DMD: variants seen among roughly 807,000 people sequenced by gnomAD.
DMD encodes dystrophin, also known as mutant dystrophin.
DMD carries 63 observed loss-of-function variants against 330.1 expected under a neutral mutation model. The ratio of observed to expected loss-of-function variants is 0.19; its 90% CI spans 0.16 to 0.24. The LOEUF is 0.24. Ranked by LOEUF, DMD falls within the 10% of genes least tolerant of loss-of-function variation. The pLI is 1.00. For synonymous variants in DMD, 1,223 were observed against 959.8 expected, an observed-to-expected ratio of 1.27 and a Z score of -5.07; for missense variants, 3,344 against 2,684.1, an observed-to-expected ratio of 1.25 and a Z score of -5.43.
chrX:32,597,544 C>T lies in DMD; in HGVS notation c.1483-1668G>A, dbSNP rs1371708288. On this transcript the variant is annotated intron_variant, in intron 12 of 78. Coordinates refer to ENST00000357033, the MANE Select transcript of DMD (RefSeq NM_004006.3). Reference sequence around the variant, plus strand: ...TACACTAACCTCAACAGAAAATAACCACTTGGTCTCAACTGAACCCTAGGA... The same window carrying T: ...TACACTAACCTCAACAGAAAATAACTACTTGGTCTCAACTGAACCCTAGGA... Among the ~76,000 whole-genome samples, 4 of 111,574 alleles carry T rather than the reference C, an allele frequency of 3.6e-5. No individual in the cohort carries two copies. In the Admixed American group the frequency reaches 3.8e-4, roughly 11 times the overall value.
At position 32,823,386 on chromosome X, in the gene DMD, A is replaced by G. The variant is rs1557058441; in HGVS notation, c.266T>C (p.Val89Ala). Residue 89 changes from valine to alanine, a missense_variant and splice_region_variant, in exon 5 of 79, where the codon GTT becomes GCT. Val to Ala is a moderately conservative substitution (Grantham distance 64). Transcript: ENST00000357033. ...AGTACTTCCAATATTCACTAAATCA[A>G]CCTGTTAAAGAAAGGGGTAAAACAT... Reference protein sequence around the residue: ...KALRVLQNNNVDLVNIGSTDI... With the variant: ...KALRVLQNNNADLVNIGSTDI... 4 of 1,186,055 alleles carry G rather than the reference A, an allele frequency of 3.4e-6. No individual in the cohort carries two copies. The highest frequency in any genetic ancestry group is 1.8e-5 in the South Asian group (1 of 56,347).
chrX:32,744,416 C>A (rs2069711937), intron 7 of DMD, among the ~76,000 whole-genome samples: 1 of 110,704 alleles, frequency 9.0e-6, no homozygotes, highest in South Asian at 3.8e-4. Flanking sequence ...TCTCATAAGG[C>A]ATATTCTCTC....
At chrX:32,400,658 A>T (rs778186104) in intron 30 of DMD, among the ~76,000 whole-genome samples, 157 of 110,014 alleles carry the variant, frequency 1.4e-3, no homozygotes, top group Non-Finnish European at 2.5e-3. Context: ...TTAGAATGGC[A>T]ATCATTCAAA....
At chrX:32,678,883 CAT>C (rs1190962815) in intron 9 of DMD, among the ~76,000 whole-genome samples, 1 of 111,351 alleles carries the variant, frequency 9.0e-6, no homozygotes, top group Non-Finnish European at 1.9e-5. Flanking sequence ...GATTTTTAAA[CAT>C]ATAATTTGCA....
chrX:32,067,497 G>C (rs1195068307), intron 44 of DMD, among the ~76,000 whole-genome samples: 1 of 110,379 alleles, frequency 9.1e-6, no homozygotes, highest in Non-Finnish European at 1.9e-5. Context: ...TTCAACCCTT[G>C]TCTCCCCCTT....
intron 7 of DMD, among the ~76,000 whole-genome samples, chrX:32,781,838 A>G (rs1030507717): frequency 5.4e-5 from 6 of 111,410 alleles, no homozygotes; most frequent in African/African-American, 2.0e-4. Context: ...TTTAAGATAC[A>G]GATAAAGAAC....
chrX:31,574,751 T>A lies in DMD; in HGVS notation c.8217+52922A>T, dbSNP rs2076014636. ...CCTCTATTTGATGTCTCTTCTTTTT[T>A]CAGTCTTTAGCAAATTCCACATCGT... On this transcript the variant is annotated intron_variant, in intron 55 of 78. Transcript: ENST00000357033. 2.7e-5 allele frequency among the ~76,000 whole-genome samples: 3 copies of A among 111,564 alleles called. No homozygotes were observed. In the Admixed American group the frequency reaches 2.9e-4, roughly 11 times the overall value.
intron 1 of DMD, among the ~76,000 whole-genome samples, chrX:33,046,614 A>G (rs765824056): frequency 1.8e-5 from 2 of 112,219 alleles, no homozygotes; most frequent in African/African-American, 3.2e-5. Flanking sequence ...TGGGGGCTCA[A>G]AATTGTTCTC....
chrX:33,334,990 G>A (rs777101057), intron 1 of DMD, among the ~76,000 whole-genome samples: 3 of 111,191 alleles, frequency 2.7e-5, no homozygotes, highest in Non-Finnish European at 5.7e-5. Flanking sequence ...TGCTACCAAA[G>A]AGGTGCAAGT....
At chrX:32,717,596 C>G (rs1261404637) in intron 7 of DMD, among the ~76,000 whole-genome samples, 2 of 111,738 alleles carry the variant, frequency 1.8e-5, no homozygotes, top group Non-Finnish European at 3.8e-5. Context: ...GGGGTTAGAG[C>G]TCTCACACAG....
At chrX:32,349,993 C>T (rs1421635339) in intron 37 of DMD, among the ~76,000 whole-genome samples, 1 of 111,271 alleles carries the variant, frequency 9.0e-6, no homozygotes, top group Admixed American at 9.6e-5. Context: ...AGAATCATAA[C>T]TATACAATTA....
intron 2 of DMD, among the ~76,000 whole-genome samples, chrX:32,915,151 G>A (rs1235934209): frequency 1.8e-5 from 2 of 111,533 alleles, no homozygotes; most frequent in East Asian, 5.6e-4. Flanking sequence ...AAAGTTGGGG[G>A]GACATGGGAA....
intron 61 of DMD, among the ~76,000 whole-genome samples, chrX:31,341,102 C>G (rs1484751658): frequency 8.9e-6 from 1 of 112,002 alleles, no homozygotes; most frequent in Non-Finnish European, 1.9e-5. Flanking sequence ...TTGACTCTAA[C>G]AGGCATGCAT....
At position 31,121,617 on chromosome X, in the gene DMD, A is replaced by G; in HGVS notation, c.*302T>C. 2.9e-6 allele frequency: 1 copy of G among 343,431 alleles called. No homozygotes were observed. The highest frequency in any genetic ancestry group is 5.1e-5 in the Admixed American group (1 of 19,686). 28.3% of individuals were successfully genotyped at this position (343,431 alleles called of 1,213,427 possible). On this transcript the variant is annotated 3_prime_UTR_variant, in exon 79 of 79. Transcript: ENST00000357033. ...ATTTAGCTATCAAGATTTTACATGTAGTTTTCTTATAACTTTTTTGTACAA... is the reference window on the plus strand; with the variant it reads ...ATTTAGCTATCAAGATTTTACATGTGGTTTTCTTATAACTTTTTTGTACAA...
intron 62 of DMD, among the ~76,000 whole-genome samples, chrX:31,282,177 T>A (rs766336699): frequency 6.2e-5 from 7 of 112,222 alleles, no homozygotes; most frequent in Non-Finnish European, 1.1e-4. Flanking sequence ...AAATCTCCAA[T>A]TTACATCACC....
chrX:32,215,517 A>C (rs780525575), intron 44 of DMD, among the ~76,000 whole-genome samples: 50 of 111,625 alleles, frequency 4.5e-4, no homozygotes, highest in Non-Finnish European at 8.5e-4. Flanking sequence ...ATACTGAACA[A>C]CTATCCTCCA....
chrX:31,128,083 G>A (rs1270493193), intron 77 of DMD, among the ~76,000 whole-genome samples: 1 of 111,850 alleles, frequency 8.9e-6, no homozygotes, highest in African/African-American at 3.2e-5. Context: ...CATTTGGGGA[G>A]GAGAACATCA....
chrX:32,483,148 T>TAC (rs751097134), intron 21 of DMD, among the ~76,000 whole-genome samples: 1 of 74,761 alleles, frequency 1.3e-5, no homozygotes, highest in Non-Finnish European at 2.7e-5. Flanking sequence ...TTTCATTCCA[T>TAC]ATATATATAT....
chrX:32,289,419 G>A (rs1024199711), intron 42 of DMD, among the ~76,000 whole-genome samples: 4 of 110,887 alleles, frequency 3.6e-5, no homozygotes, highest in African/African-American at 6.6e-5. Flanking sequence ...GGGGAAATAT[G>A]TCAGAGGCGT....
Sources: gnomAD v4.1 joint callset for allele counts (sites outside exome capture counted in the v4.1 genomes callset) on GRCh38, gnomAD v4.1.1 for gene constraint, MANE v1.5 for transcripts, NCBI Gene and HGNC (gene_info 2026-07-23, HGNC 2026-07-21) for gene names.